Variants in NUP210L observed in about 807,000 individuals in gnomAD.
NUP210L encodes the protein nucleoporin 210 like, also known as nuclear pore membrane glycoprotein 210-like.
NUP210L carries 74 observed loss-of-function variants against 208.5 expected under a neutral mutation model. The ratio of observed to expected loss-of-function variants is 0.35; its 90% CI spans 0.29 to 0.43. NUP210L has a LOEUF of 0.43. Ranked by LOEUF, NUP210L falls within the 20% of genes least tolerant of loss-of-function variation. The pLI is 1.00. For synonymous variants in NUP210L, 780 were observed against 816.9 expected (o/e 0.95, Z 0.77); for missense variants, 1,843 against 2,289.4 (o/e 0.81, Z 3.98).
intron 7 of NUP210L, among the ~76,000 whole-genome samples, chr1:154,131,773 C>T (rs1206619528): frequency 1.3e-5 from 2 of 151,932 alleles, no homozygotes; most frequent in Non-Finnish European, 2.9e-5. Flanking sequence ...CAGGAAACTC[C>T]TCTTTCTGGT....
At chr1:154,023,088 C>T (rs765967758) in intron 31 of NUP210L, 34 bp downstream of exon 31, 13 of 1,574,652 alleles carry the variant, frequency 8.3e-6, no homozygotes, top group Non-Finnish European at 1.1e-5. Context: ...AGATTTCTAC[C>T]ATAGTGTCAA....
chr1:153,993,083 T>C (rs1464725566), exon 39 of NUP210L: 1 of 1,611,990 alleles, frequency 6.2e-7, no homozygotes, highest in Non-Finnish European at 8.5e-7. Flanking sequence ...TAGGAAGGCA[T>C]TGTATGCTGG....
intron 15 of NUP210L, among the ~76,000 whole-genome samples, chr1:154,091,680 T>C (rs1655923899): frequency 2.0e-5 from 3 of 151,488 alleles, no homozygotes; most frequent in Admixed American, 2.0e-4. Context: ...TTTGTATTTT[T>C]AGTAGAGATG....
At chr1:154,151,076 T>C (rs1313033453) in intron 2 of NUP210L, among the ~76,000 whole-genome samples, 4 of 152,106 alleles carry the variant, frequency 2.6e-5, no homozygotes, top group Admixed American at 1.3e-4. Flanking sequence ...AGAGCAAGAT[T>C]TGACATTTTT....
intron 6 of NUP210L, among the ~76,000 whole-genome samples, chr1:154,137,753 A>G (rs1454426768): frequency 6.6e-6 from 1 of 152,030 alleles, no homozygotes; most frequent in Non-Finnish European, 1.5e-5. Context: ...AGATATGGGG[A>G]TCTTGCTCTG....
At chr1:154,100,234 G>T (rs1557976253) in intron 13 of NUP210L, 91 bp from the exon 14 acceptor site, 9 of 1,187,654 alleles carry the variant, frequency 7.6e-6, no homozygotes, top group Non-Finnish European at 1.1e-5. Context: ...AAGATTGCTT[G>T]AGCTCCGAAG....
intron 16 of NUP210L, among the ~76,000 whole-genome samples, chr1:154,070,792 T>A (rs1336805588): frequency 6.6e-6 from 1 of 152,156 alleles, no homozygotes; most frequent in Non-Finnish European, 1.5e-5. Context: ...ATCCTAAGAA[T>A]ACGAGAACAT....
chr1:154,150,832 A>C (rs905453763), intron 2 of NUP210L, among the ~76,000 whole-genome samples: 3 of 152,058 alleles, frequency 2.0e-5, no homozygotes, highest in Non-Finnish European at 4.4e-5. Context: ...ATATCTGTCC[A>C]AGGAATTAAT....
chr1:154,054,328 C>T lies in NUP210L; in HGVS notation c.3383G>A (p.Arg1128Lys), dbSNP rs759030187. 14 of 1,614,096 alleles carry T rather than the reference C, an allele frequency of 8.7e-6. No individual in the cohort carries two copies. The Admixed American group carries it at 2.3e-4, about 27-fold the overall frequency. The change falls in exon 25 of 40, where the codon AGG becomes AAG. Residue 1128 changes from arginine to lysine, a missense_variant. By Grantham distance (26) the Arg-to-Lys change is conservative. Coordinates refer to ENST00000368559, the Ensembl canonical transcript of NUP210L. The stretch of plus-strand genomic sequence containing the variant: ...AATCTTCCCTGTAACTTGCCCCCTC[C>T]TATTAACAACAGCCACGGTCTGATT...
chr1:154,000,736 G>T, intron 37 of NUP210L, 120 bp downstream of exon 37: 4 of 791,716 alleles, frequency 5.1e-6, no homozygotes, highest in Non-Finnish European at 8.4e-6. Context: ...ATTTATTTTT[G>T]GACCGTGGTT....
intron 17 of NUP210L, among the ~76,000 whole-genome samples, chr1:154,066,297 G>C (rs1353458543): frequency 1.3e-5 from 2 of 152,154 alleles, no homozygotes; most frequent in African/African-American, 4.8e-5. Flanking sequence ...GAAGGAGATA[G>C]AGACACAAAA....
At chr1:154,086,242 GA>G (rs1293977707) in intron 16 of NUP210L, among the ~76,000 whole-genome samples, 5 of 149,006 alleles carry the variant, frequency 3.4e-5, no homozygotes, top group Non-Finnish European at 4.5e-5. Flanking sequence ...GAAAAGAAAA[GA>G]AAAAAACAAA....
intron 7 of NUP210L, among the ~76,000 whole-genome samples, chr1:154,131,063 G>C (rs1326180010): frequency 6.6e-6 from 1 of 151,840 alleles, no homozygotes; most frequent in Non-Finnish European, 1.5e-5. Context: ...TCAGAAGATT[G>C]AGACCATCCT....
intron 13 of NUP210L, among the ~76,000 whole-genome samples, chr1:154,100,749 AC>A (rs1166115861): frequency 1.3e-5 from 2 of 150,940 alleles, no homozygotes; most frequent in African/African-American, 4.9e-5. Flanking sequence ...CGAACTCCTG[AC>A]CCTGTGATCC....
At chr1:154,001,527 G>C (rs1458022796) in intron 36 of NUP210L, among the ~76,000 whole-genome samples, 4 of 152,086 alleles carry the variant, frequency 2.6e-5, no homozygotes, top group African/African-American at 9.7e-5. Context: ...CTTTAGGTAT[G>C]TTGACAAAGC....
chr1:154,081,058 T>C (rs1489360505), intron 16 of NUP210L, among the ~76,000 whole-genome samples: 4 of 147,328 alleles, frequency 2.7e-5, no homozygotes, highest in Admixed American at 1.3e-4. Context: ...ACATATGACA[T>C]ATAGAAAACA....
intron 35 of NUP210L, among the ~76,000 whole-genome samples, chr1:154,008,636 G>A (rs952863821): frequency 9.2e-5 from 14 of 152,186 alleles, no homozygotes; most frequent in Non-Finnish European, 1.5e-4. Context: ...GTAACCGGGA[G>A]GCAGAGGTGT....
At chr1:154,034,203 G>C (rs1261014078) in intron 27 of NUP210L, among the ~76,000 whole-genome samples, 2 of 152,118 alleles carry the variant, frequency 1.3e-5, no homozygotes, top group Non-Finnish European at 2.9e-5. Context: ...CATAGAATGA[G>C]TTTAGTTGTA....
intron 16 of NUP210L, among the ~76,000 whole-genome samples, chr1:154,080,827 C>A (rs1192040365): frequency 6.6e-6 from 1 of 151,784 alleles, no homozygotes; most frequent in Non-Finnish European, 1.5e-5. Context: ...CAAAAATTAG[C>A]TGGGCATGGT....
Sources: gnomAD v4.1 joint callset for allele counts (sites outside exome capture counted in the v4.1 genomes callset) on GRCh38, gnomAD v4.1.1 for gene constraint, MANE v1.5 for transcripts, NCBI Gene and HGNC (gene_info 2026-07-23, HGNC 2026-07-21) for gene names.